Variants in SEMA6D observed in about 807,000 individuals in gnomAD.
SEMA6D encodes the protein semaphorin-6D.
In SEMA6D, 35 loss-of-function variants were observed where a neutral mutation model predicts 106.6. The observed-to-expected ratio is 0.33, with a 90% CI of 0.25 to 0.44. SEMA6D has a LOEUF of 0.44. Among genes scored for constraint, SEMA6D ranks in the 20% least tolerant of loss-of-function variants. The pLI, the probability that SEMA6D is intolerant of heterozygous loss-of-function variation, is 1.00. For missense variants in SEMA6D, 1,185 were observed against 1,345.9 expected, an observed-to-expected ratio of 0.88 and a Z score of 1.87; for synonymous variants, 499 against 487.7, an observed-to-expected ratio of 1.02 and a Z score of -0.31.
At chr15:47,497,552 C>G (rs76158043) in intron 3 of SEMA6D, among the ~76,000 whole-genome samples, 4,017 of 152,154 alleles carry the variant, frequency 0.026, 178 homozygotes, top group African/African-American at 0.092. Context: ...GATATGTACT[C>G]TCTGCCTCAG....
At chr15:47,647,719 C>CAAAA (rs777557315) in intron 4 of SEMA6D, among the ~76,000 whole-genome samples, 4 of 93,838 alleles carry the variant, frequency 4.3e-5, no homozygotes, top group South Asian at 3.8e-4. Context: ...CAATTGTGGG[C>CAAAA]AAAAAAAAAA....
rs1275376640 is a variant in SEMA6D, at chr15:47,771,418, G to C, written c.2855G>C (p.Gly952Ala). Residue 952 changes from glycine (G) to alanine (A), a missense_variant, in exon 19 of 19, where the codon GGA becomes GCA. Physicochemically the swap from Gly to Ala is moderately conservative, Grantham distance 60. Transcript: ENST00000536845. ...CGAGTGGATGTCCCCACCACTCCTG[G>C]AGTCCCAATGACTTCTCTGGAAAGA... Reference protein sequence around the residue: ...TKRVDVPTTPGVPMTSLERQR... With the variant: ...TKRVDVPTTPAVPMTSLERQR... The C allele has an allele frequency of 6.2e-7, 1 of 1,614,064 alleles. No individual in the cohort carries two copies. Among genetic ancestry groups the C allele is most frequent in the Non-Finnish European group, 8.5e-7 (1 of 1,180,002 alleles).
intron 4 of SEMA6D, among the ~76,000 whole-genome samples, chr15:47,613,937 G>A (rs1031433563): frequency 2.6e-5 from 4 of 152,010 alleles, no homozygotes; most frequent in African/African-American, 4.8e-5. Flanking sequence ...GTGAGCCACC[G>A]CGCCCAGCCA....
At chr15:47,440,812 AT>A (rs2041859708) in intron 2 of SEMA6D, among the ~76,000 whole-genome samples, 1 of 152,138 alleles carries the variant, frequency 6.6e-6, no homozygotes, top group Admixed American at 6.6e-5. Context: ...GAATATATGC[AT>A]TCGAATAGTT....
chr15:47,288,519 G>T (rs978119541), intron 1 of SEMA6D, among the ~76,000 whole-genome samples: 35 of 152,184 alleles, frequency 2.3e-4, no homozygotes, highest in African/African-American at 8.2e-4. Context: ...CACAGTGCTA[G>T]TAAATAGTGG....
At chr15:47,603,966 C>T (rs1305892285) in intron 4 of SEMA6D, 1 of 152,086 alleles carries the variant, frequency 6.6e-6, no homozygotes, top group East Asian at 1.9e-4. Context: ...TGTGTTTATA[C>T]CCTCTTTTGT....
At chr15:47,586,189 CTGTT>C (rs1162306186) in intron 3 of SEMA6D, among the ~76,000 whole-genome samples, 1 of 152,172 alleles carries the variant, frequency 6.6e-6, no homozygotes, top group African/African-American at 2.4e-5. Flanking sequence ...CCATTATATG[CTGTT>C]TATTATGGCC....
At chr15:47,508,103 A>C (rs764361249) in intron 3 of SEMA6D, among the ~76,000 whole-genome samples, 2 of 152,194 alleles carry the variant, frequency 1.3e-5, no homozygotes, top group Non-Finnish European at 1.5e-5. Context: ...TGAACTTCAG[A>C]GAGAGAGATT....
At chr15:47,552,482 G>C (rs2045728409) in intron 3 of SEMA6D, among the ~76,000 whole-genome samples, 1 of 144,296 alleles carries the variant, frequency 6.9e-6, no homozygotes, top group Non-Finnish European at 1.5e-5. Context: ...GTGTGTGTGT[G>C]TGTCTGTGTG....
At chr15:47,624,494 G>A (rs1463894787) in intron 4 of SEMA6D, among the ~76,000 whole-genome samples, 2 of 152,062 alleles carry the variant, frequency 1.3e-5, no homozygotes, top group Non-Finnish European at 2.9e-5. Flanking sequence ...AATAGATGGG[G>A]TTACCGGAAT....
intron 1 of SEMA6D, among the ~76,000 whole-genome samples, chr15:47,252,070 C>G (rs895195156): frequency 6.7e-6 from 1 of 149,600 alleles, no homozygotes; most frequent in African/African-American, 2.5e-5. Flanking sequence ...CGCCCGCTAC[C>G]ACGCCCGGCT....
At chr15:47,411,497 T>A (rs1436354350) in intron 1 of SEMA6D, among the ~76,000 whole-genome samples, 2 of 152,198 alleles carry the variant, frequency 1.3e-5, no homozygotes, top group Non-Finnish European at 2.9e-5. Context: ...CTTTAGCAGA[T>A]GGTAAATATA....
chr15:47,553,256 T>C (rs1252741905), intron 3 of SEMA6D, among the ~76,000 whole-genome samples: 1 of 151,950 alleles, frequency 6.6e-6, no homozygotes. Context: ...AAGTTACAGG[T>C]GAAATTCCTT....
At chr15:47,687,066 CAAAAAA>C (rs369941348) in intron 4 of SEMA6D, among the ~76,000 whole-genome samples, 1 of 121,034 alleles carries the variant, frequency 8.3e-6, no homozygotes, top group Non-Finnish European at 1.7e-5. Context: ...ACCCTGTATC[CAAAAAA>C]AAAAAAAAAA....
chr15:47,524,198 A>T (rs962933855), intron 3 of SEMA6D, among the ~76,000 whole-genome samples: 2 of 152,206 alleles, frequency 1.3e-5, no homozygotes, highest in Non-Finnish European at 2.9e-5. Context: ...TGCATGGCGA[A>T]TGTTGCCATA....
At chr15:47,266,048 A>G (rs1166746484) in intron 1 of SEMA6D, among the ~76,000 whole-genome samples, 1 of 152,078 alleles carries the variant, frequency 6.6e-6, no homozygotes, top group African/African-American at 2.4e-5. Flanking sequence ...ATGTAATCAA[A>G]TGTAGTCTCT....
At chr15:47,536,423 C>T (rs2045166528) in intron 3 of SEMA6D, among the ~76,000 whole-genome samples, 1 of 152,278 alleles carries the variant, frequency 6.6e-6, no homozygotes, top group Middle Eastern at 3.4e-3. Context: ...ATTGGGGACA[C>T]AATGAAGGCT....
rs1555414614 is a variant in SEMA6D, at chr15:47,277,616, A to ATTATTTATTTAT, written c.-239+93203_-239+93204insTATTTATTTATT. Among the ~76,000 whole-genome samples the ATTATTTATTTAT allele has an allele frequency of 2.7e-3, 376 of 137,194 alleles. 1 individual carries two copies. Among genetic ancestry groups the ATTATTTATTTAT allele is most frequent in the African/African-American group, 6.3e-3 (219 of 34,506 alleles). The allele number at this position is 137,194 out of a possible 152,430, so 90.0% of individuals were successfully genotyped here. On this transcript the variant is annotated intron_variant, in intron 1 of 19. Coordinates refer to the SEMA6D transcript ENST00000558014. ...ATTATTATTATTATTATTATTATTT[A>ATTATTTATTTAT]TTATTATTATTATACTTTAAGTTTT...
chr15:47,493,720 T>A (rs1426939275), intron 3 of SEMA6D, among the ~76,000 whole-genome samples: 1 of 152,146 alleles, frequency 6.6e-6, no homozygotes, highest in Non-Finnish European at 1.5e-5. Flanking sequence ...TACTACAATC[T>A]CTTGTATAGA....
Sources: allele counts gnomAD v4.1 joint callset (sites outside exome capture counted in the v4.1 genomes callset), GRCh38; gene constraint gnomAD v4.1.1; transcripts MANE v1.5; gene names NCBI Gene and HGNC (gene_info 2026-07-23, HGNC 2026-07-21).